The following PTPRG variants were observed in gnomAD, a reference collection of about 807,000 sequenced individuals.
The protein encoded by PTPRG is protein tyrosine phosphatase receptor type G.
PTPRG carries 102 observed loss-of-function variants against 165.3 expected under a neutral mutation model. The observed-to-expected ratio is 0.62, with a 90% CI of 0.53 to 0.73. The LOEUF (loss-of-function observed/expected upper bound fraction) is 0.73, where lower values mean the gene tolerates loss of function less well. PTPRG is among the 30% of genes least tolerant of loss of function. The pLI is 0.00. For missense variants in PTPRG, 1,866 were observed against 1,861.4 expected (o/e 1.00, Z -0.05); for synonymous variants, 675 against 669.5 (o/e 1.01, Z -0.13).
intron 2 of PTPRG, among the ~76,000 whole-genome samples, chr3:61,978,267 G>A (rs1371069476): frequency 1.3e-5 from 2 of 152,100 alleles, no homozygotes; most frequent in African/African-American, 2.4e-5. Flanking sequence ...GTTTTTTACC[G>A]TAGTTCCTCC....
intron 1 of PTPRG, among the ~76,000 whole-genome samples, chr3:61,748,625 A>G (rs1041874719): frequency 1.3e-5 from 2 of 152,082 alleles, no homozygotes; most frequent in African/African-American, 4.8e-5. Flanking sequence ...AAGATAATGT[A>G]TATGAAGTGC....
At chr3:61,802,889 G>A (rs1408507500) in intron 2 of PTPRG, among the ~76,000 whole-genome samples, 1 of 152,140 alleles carries the variant, frequency 6.6e-6, no homozygotes, top group African/African-American at 2.4e-5. Flanking sequence ...CACGCTGGAT[G>A]CAAAAACACA....
At chr3:61,604,416 G>A (rs1451661781) in intron 1 of PTPRG, among the ~76,000 whole-genome samples, 1 of 152,222 alleles carries the variant, frequency 6.6e-6, no homozygotes, top group Non-Finnish European at 1.5e-5. Flanking sequence ...TTCTGCCAGT[G>A]GTTTTAAGTT....
At chr3:61,788,199 G>A (rs925498584) in intron 2 of PTPRG, among the ~76,000 whole-genome samples, 2 of 152,252 alleles carry the variant, frequency 1.3e-5, no homozygotes, top group African/African-American at 4.8e-5. Context: ...AAGTATCAAA[G>A]CAGAGATTCA....
chr3:61,991,192 A>C (rs1031553636), intron 3 of PTPRG, among the ~76,000 whole-genome samples: 1 of 152,022 alleles, frequency 6.6e-6, no homozygotes, highest in African/African-American at 2.4e-5. Flanking sequence ...GTGATCCAAT[A>C]ATGTTATTTG....
At chr3:61,603,094 C>G (rs2106851951) in intron 1 of PTPRG, among the ~76,000 whole-genome samples, 1 of 152,210 alleles carries the variant, frequency 6.6e-6, no homozygotes, top group South Asian at 2.1e-4. Flanking sequence ...AATATTTATA[C>G]CATGGAAATC....
intron 1 of PTPRG, among the ~76,000 whole-genome samples, chr3:61,605,004 G>A (rs1306593517): frequency 6.6e-6 from 1 of 152,146 alleles, no homozygotes; most frequent in Non-Finnish European, 1.5e-5. Flanking sequence ...AACTGACGAG[G>A]TAGCCCAGGT....
chr3:62,218,297 G>T (rs998181928), intron 12 of PTPRG, among the ~76,000 whole-genome samples: 8 of 152,206 alleles, frequency 5.3e-5, no homozygotes, highest in Non-Finnish European at 8.8e-5. Context: ...GGGAAAGGTG[G>T]TTTCCCAAAG....
At chr3:62,144,071 C>T (rs1009638717) in intron 6 of PTPRG, among the ~76,000 whole-genome samples, 4 of 152,208 alleles carry the variant, frequency 2.6e-5, no homozygotes, top group Non-Finnish European at 5.9e-5. Flanking sequence ...AACACAGCTG[C>T]ACTCACTTGT....
intron 1 of PTPRG, among the ~76,000 whole-genome samples, chr3:61,679,898 G>A (rs773131481): frequency 2.0e-5 from 3 of 152,164 alleles, no homozygotes; most frequent in Admixed American, 6.5e-5. Flanking sequence ...GTGATCCCAA[G>A]GAGAAGTAAA....
intron 16 of PTPRG, 109 bp from the exon 17 acceptor site, chr3:62,262,689 G>GT (rs1476953004): frequency 1.8e-6 from 1 of 570,664 alleles, no homozygotes; most frequent in Non-Finnish European, 2.9e-6. Context: ...GATTGAGAAG[G>GT]TAACGGTGGC....
chr3:62,273,748 G>A lies in PTPRG; in HGVS notation c.3369G>A (p.Lys1123=), dbSNP rs753180827. ...CCTTGTTGGAAGCCATTCTTGGAAA[G>A]GAGACTGAAGTATCTTCAAATCAGC... ...HDALLEAILG[K]ETEVSSNQLH... is the part of the protein sequence containing the mutation. Residue 1123 remains lysine (K), a synonymous_variant, in exon 23 of 30, where the codon AAG becomes AAA. Coordinates refer to ENST00000474889, the MANE Select transcript of PTPRG (RefSeq NM_002841.4). This position sits in a 1 kb window ranked among gnomAD's most constrained non-coding sequence, Gnocchi z 4.1. The A allele has an allele frequency of 6.2e-6, 10 of 1,613,636 alleles. No individual in the cohort carries two copies. The East Asian group carries it at 2.2e-4, about 36-fold the overall frequency.
At chr3:62,136,406 G>A (rs886764186) in intron 6 of PTPRG, among the ~76,000 whole-genome samples, 9 of 152,142 alleles carry the variant, frequency 5.9e-5, no homozygotes, top group African/African-American at 1.9e-4. Context: ...GACAGAGAAG[G>A]GATGCAGGCA....
rs536273623 is a variant in PTPRG at position 62,288,667 on chromosome 3, C to T, written c.4056-3754C>T. On this transcript the variant is annotated intron_variant, in intron 28 of 29. Coordinates refer to ENST00000474889, the MANE Select transcript of PTPRG (RefSeq NM_002841.4). ...CAGCCTGGGCGACAGGGTGATACTC[C>T]GTCACAAAAAAAAAAAAAAAAATTC... is the stretch of plus-strand genomic sequence containing the variant. 4.1e-5 allele frequency among the ~76,000 whole-genome samples: 6 copies of T among 146,002 alleles called. No homozygotes were observed. The South Asian group carries it at 8.6e-4, about 21-fold the overall frequency.
intron 2 of PTPRG, among the ~76,000 whole-genome samples, chr3:61,767,661 C>A (rs1447648908): frequency 6.6e-6 from 1 of 152,092 alleles, no homozygotes; most frequent in Non-Finnish European, 1.5e-5. Context: ...GCTTTAAATG[C>A]AAGTTAAGAT....
At position 61,763,504 on chromosome 3, in the gene PTPRG, T is replaced by G. The variant is rs557480952; in HGVS notation, c.190+14522T>G. 1.1e-4 allele frequency among the ~76,000 whole-genome samples: 16 copies of G among 151,362 alleles called. No individual in the cohort carries two copies. The East Asian group carries it at 2.9e-3, about 28-fold the overall frequency. ...CCTCAGCCTCCCAGGTAGCTGGGAT[T>G]ACAGACTCCTGCTACCACGCCCAGC... On this transcript the variant is annotated intron_variant, in intron 2 of 29. Coordinates refer to ENST00000474889, the MANE Select transcript of PTPRG (RefSeq NM_002841.4).
At chr3:62,284,286 C>T (rs1441881228) in intron 28 of PTPRG, among the ~76,000 whole-genome samples, 1 of 152,102 alleles carries the variant, frequency 6.6e-6, no homozygotes, top group East Asian at 1.9e-4. Flanking sequence ...ATTCACTTAT[C>T]TTCATTCAAC....
intron 2 of PTPRG, among the ~76,000 whole-genome samples, chr3:61,904,067 G>T (rs1484954154): frequency 6.6e-6 from 1 of 152,188 alleles, no homozygotes; most frequent in East Asian, 1.9e-4. Context: ...TGCTGGGGCT[G>T]AGAGAATCTG....
intron 2 of PTPRG, among the ~76,000 whole-genome samples, chr3:61,978,459 C>T (rs980684314): frequency 3.3e-5 from 5 of 151,736 alleles, no homozygotes; most frequent in East Asian, 1.9e-4. Flanking sequence ...AGAGTAAGGT[C>T]GTCTAGTTTT....
Sources: allele counts gnomAD v4.1 joint callset (sites outside exome capture counted in the v4.1 genomes callset), GRCh38; gene constraint gnomAD v4.1.1; non-coding constraint Gnocchi (gnomAD v3.1); transcripts MANE v1.5; gene names NCBI Gene and HGNC (gene_info 2026-07-23, HGNC 2026-07-21).